Variants in PPARGC1A observed in about 807,000 individuals in gnomAD.
PPARGC1A encodes peroxisome proliferator-activated receptor gamma coactivator 1-alpha.
Under a neutral mutation model 88.7 loss-of-function variants are expected in PPARGC1A, and 25 were observed. That is an observed-to-expected ratio of 0.28 (90% CI 0.21 to 0.39). PPARGC1A has a LOEUF of 0.39. Among genes scored for constraint, PPARGC1A ranks in the 10% least tolerant of loss-of-function variants. PPARGC1A has a pLI of 1.00. For missense variants in PPARGC1A, 880 were observed against 968.7 expected, an observed-to-expected ratio of 0.91 and a Z score of 1.22; for synonymous variants, 363 against 355.6, an observed-to-expected ratio of 1.02 and a Z score of -0.24.
chr4:24,014,379 A>G, the PPARGC1A span, among the ~76,000 whole-genome samples: 1 of 152,224 alleles, frequency 6.6e-6, no homozygotes, highest in Non-Finnish European at 1.5e-5. Context: ...CTGAACACAC[A>G]GATCTTTTGA....
chr4:24,231,573 G>A, the PPARGC1A span, among the ~76,000 whole-genome samples: 47 of 152,262 alleles, frequency 3.1e-4, no homozygotes, highest in Non-Finnish European at 4.0e-4. Context: ...AAAGGTTTCC[G>A]GAAGGGCAAC....
the PPARGC1A span, among the ~76,000 whole-genome samples, chr4:24,061,224 T>C: frequency 6.6e-6 from 1 of 152,272 alleles, no homozygotes; most frequent in East Asian, 1.9e-4. Context: ...GTTTTCACTG[T>C]TTCAGCCTTA....
chr4:23,934,041 A>C, the PPARGC1A span, among the ~76,000 whole-genome samples: 14 of 152,324 alleles, frequency 9.2e-5, no homozygotes, highest in African/African-American at 3.1e-4. Flanking sequence ...TGATGCCCAA[A>C]GTTATTAGAA....
chr4:23,992,534 A>G, the PPARGC1A span, among the ~76,000 whole-genome samples: 4 of 152,038 alleles, frequency 2.6e-5, no homozygotes, highest in Non-Finnish European at 5.9e-5. Flanking sequence ...TTGCACCCAA[A>G]AAAAACAGCC....
At chr4:23,825,861 T>C (rs1051412800) in intron 5 of PPARGC1A, among the ~76,000 whole-genome samples, 6 of 152,170 alleles carry the variant, frequency 3.9e-5, no homozygotes, top group Admixed American at 3.9e-4. Flanking sequence ...ACATTAATTT[T>C]TGAGTATGTC....
the PPARGC1A span, among the ~76,000 whole-genome samples, chr4:24,218,647 A>AT: frequency 6.6e-6 from 1 of 152,170 alleles, no homozygotes; most frequent in Non-Finnish European, 1.5e-5. Flanking sequence ...AGAAAGGAAC[A>AT]TTTTTCAATC....
chr4:24,032,620 A>G, the PPARGC1A span, among the ~76,000 whole-genome samples: 1 of 152,204 alleles, frequency 6.6e-6, no homozygotes, highest in Non-Finnish European at 1.5e-5. Context: ...ATCTAATCCA[A>G]CAAGTATTTG....
the PPARGC1A span, among the ~76,000 whole-genome samples, chr4:23,976,290 C>A: frequency 2.0e-5 from 3 of 152,108 alleles, no homozygotes; most frequent in Non-Finnish European, 4.4e-5. Context: ...AGGCTTGGGA[C>A]CCTGAAGAGG....
the PPARGC1A span, among the ~76,000 whole-genome samples, chr4:24,173,099 C>T: frequency 1.3e-5 from 2 of 152,226 alleles, no homozygotes; most frequent in Admixed American, 1.3e-4. Flanking sequence ...AAAGTTGTTA[C>T]AGGCATGTTA....
At chr4:24,375,211 T>C in the PPARGC1A span, among the ~76,000 whole-genome samples, 9 of 151,830 alleles carry the variant, frequency 5.9e-5, no homozygotes, top group Non-Finnish European at 8.8e-5. Flanking sequence ...TCAGGTTGAG[T>C]TGGGTGAAGG....
At chr4:23,864,834 G>A (rs758296049) in intron 2 of PPARGC1A, among the ~76,000 whole-genome samples, 1 of 152,320 alleles carries the variant, frequency 6.6e-6, no homozygotes, top group Non-Finnish European at 1.5e-5. Context: ...AAGCACCAAA[G>A]ACCTCATTGA....
chr4:23,967,436 G>A, the PPARGC1A span, among the ~76,000 whole-genome samples: 1 of 152,184 alleles, frequency 6.6e-6, no homozygotes, highest in East Asian at 1.9e-4. Context: ...CATGTCAGCT[G>A]GGTAGGTAAA....
At chr4:23,801,033 C>T (rs958146754) in intron 12 of PPARGC1A, among the ~76,000 whole-genome samples, 11 of 146,674 alleles carry the variant, frequency 7.5e-5, no homozygotes, top group African/African-American at 2.8e-4. Context: ...TTTCTTCTCT[C>T]TTAGTTGTAG....
the PPARGC1A span, among the ~76,000 whole-genome samples, chr4:23,993,430 G>A: frequency 2.0e-5 from 3 of 152,144 alleles, no homozygotes; most frequent in African/African-American, 7.2e-5. Flanking sequence ...TCCCACATCA[G>A]AAAGTGTTTA....
chr4:24,430,589 G>A, the PPARGC1A span, among the ~76,000 whole-genome samples: 1 of 151,990 alleles, frequency 6.6e-6, no homozygotes, highest in Non-Finnish European at 1.5e-5. Flanking sequence ...GATCTCATGA[G>A]CAACAAATCA....
the PPARGC1A span, among the ~76,000 whole-genome samples, chr4:24,181,233 C>G: frequency 6.6e-6 from 1 of 152,130 alleles, no homozygotes; most frequent in Non-Finnish European, 1.5e-5. Flanking sequence ...TCAGTATCTA[C>G]AAGAGTGATC....
At chr4:24,315,022 TAA>T in the PPARGC1A span, among the ~76,000 whole-genome samples, 21 of 131,456 alleles carry the variant, frequency 1.6e-4, no homozygotes, top group Admixed American at 1.5e-4. Context: ...ATACAGACCT[TAA>T]AAAAAAAAAA....
At chr4:24,400,218 G>A in the PPARGC1A span, among the ~76,000 whole-genome samples, 21 of 152,212 alleles carry the variant, frequency 1.4e-4, no homozygotes, top group Admixed American at 1.4e-3. Context: ...GGGTGTGTCT[G>A]GATGGGTGTC....
intron 10 of PPARGC1A, among the ~76,000 whole-genome samples, chr4:23,809,209 GC>G (rs1181548243): frequency 1.3e-5 from 2 of 152,050 alleles, no homozygotes; most frequent in Admixed American, 6.6e-5. Flanking sequence ...AAAAATCATT[GC>G]ATGTATCCCT....
Sources: allele counts gnomAD v4.1 joint callset (sites outside exome capture counted in the v4.1 genomes callset), GRCh38; gene constraint gnomAD v4.1.1; transcripts MANE v1.5; gene names NCBI Gene and HGNC (gene_info 2026-07-23, HGNC 2026-07-21).